SERTAD4: variants seen among roughly 807,000 people sequenced by gnomAD.
SERTAD4 encodes SERTA domain-containing protein 4.
A neutral mutation model predicts 32.9 loss-of-function variants in SERTAD4; 18 were observed. That is an observed-to-expected ratio of 0.55 (90% CI 0.38 to 0.81). SERTAD4 has a LOEUF of 0.81. Among genes scored for constraint, SERTAD4 ranks in the 30% least tolerant of loss-of-function variants. SERTAD4 has a pLI of 0.00. For synonymous variants in SERTAD4, 150 were observed against 156.4 expected (o/e 0.96, Z 0.30); for missense variants, 383 against 426.0 (o/e 0.90, Z 0.89).
rs774557168 is a variant in SERTAD4 at position 210,242,349 on chromosome 1, A to G, written c.*12A>G. 1.9e-6 allele frequency: 3 copies of G among 1,545,190 alleles called. No individual in the cohort carries two copies. In the African/African-American group the frequency reaches 4.1e-5, roughly 21 times the overall value. ...GAAGTAAAATATGAGCCATCTTCTC[A>G]CCGAACTTTGAAGCATGCACAGCAT... On this transcript the variant is annotated 3_prime_UTR_variant, in exon 4 of 4. Coordinates refer to ENST00000367012, the MANE Select transcript of SERTAD4 (RefSeq NM_019605.5). This position sits in a 1 kb window ranked among gnomAD's most constrained non-coding sequence, Gnocchi z 4.0.
At position 210,239,591 on chromosome 1, in the gene SERTAD4, A is replaced by G. The variant is rs1158446604; in HGVS notation, c.274A>G (p.Ser92Gly). Residue 92 changes from serine to glycine, a missense_variant, in exon 3 of 4, where the codon AGC (serine) becomes GGC (glycine). By Grantham distance (56) the Ser-to-Gly change is moderately conservative (BLOSUM62 0). Transcript: ENST00000367012. ...VEEEDFHPPL[S>G]SCSHKTISIF... The stretch of plus-strand genomic sequence containing the variant: ...AGAAGAGGATTTTCACCCACCACTC[A>G]GCAGCTGTAGCCATAAAGTATGTTT... 6.3e-7 allele frequency: 1 copy of G among 1,588,348 alleles called. No individual in the cohort carries two copies. Among genetic ancestry groups the G allele is most frequent in the African/African-American group, 1.3e-5 (1 of 74,426 alleles).
chr1:210,241,194 C>T (rs2083990646), intron 3 of SERTAD4, among the ~76,000 whole-genome samples: 1 of 152,156 alleles, frequency 6.6e-6, no homozygotes, highest in African/African-American at 2.4e-5. Context: ...TACCTCCTCT[C>T]CTGACTTCTA....
In SERTAD4 at chr1:210,242,044, A is replaced by G. The variant is rs1041123332; in HGVS notation, c.778A>G (p.Ile260Val). 6.2e-7 allele frequency: 1 copy of G among 1,614,158 alleles called. No homozygotes were observed. The highest frequency in any genetic ancestry group is 1.1e-5 in the South Asian group (1 of 91,074). Residue 260 changes from isoleucine (I) to valine (V), a missense_variant, in exon 4 of 4, where the codon ATA (isoleucine) becomes GTA (valine). By Grantham distance (29) the Ile-to-Val change is conservative. Around this residue, in one of 3 missense-constraint regions of SERTAD4, gnomAD observed 180 missense variants for 190.6 expected, o/e 0.94. Transcript: ENST00000367012. The surrounding 1 kb of genome is among the most constrained non-coding windows in gnomAD (Gnocchi z 4.0). ...ATCTATTTACAAGAGTGATGGCCAGATACCTGCCAATGAAATCTTTGTCAC... is the reference window on the plus strand; with the variant it reads ...ATCTATTTACAAGAGTGATGGCCAGGTACCTGCCAATGAAATCTTTGTCAC... ...SASIYKSDGQIPANEIFVTNV... is the reference protein window; with the variant it reads ...SASIYKSDGQVPANEIFVTNV...
chr1:210,239,293 C>A (rs1358178821), intron 2 of SERTAD4, among the ~76,000 whole-genome samples, 200 bp from the exon 3 acceptor site: 3 of 152,082 alleles, frequency 2.0e-5, no homozygotes, highest in African/African-American at 7.2e-5. Context: ...TCTATAATTG[C>A]CTAGAAATCT....
chr1:210,243,089 A>G lies in SERTAD4; in HGVS notation c.*752A>G, dbSNP rs1471274060. ...GAGTTACAGCAGGGATTTAACAAAC[A>G]GGACAAAAAAAAAAAAAAAAAAAAA... is the stretch of plus-strand genomic sequence containing the variant. On this transcript the variant is annotated 3_prime_UTR_variant, in exon 4 of 4. Transcript: ENST00000367012. 1 of 329,144 alleles carries G rather than the reference A, an allele frequency of 3.0e-6. No individual in the cohort carries two copies. Among genetic ancestry groups the G allele is most frequent in the African/African-American group, 2.6e-5 (1 of 38,584 alleles). 20.4% of individuals were successfully genotyped at this position (329,144 alleles called of 1,614,324 possible).
At chr1:210,233,570 G>T (rs892237382) in intron 1 of SERTAD4, 1 of 418,276 alleles carries the variant, frequency 2.4e-6, no homozygotes, top group South Asian at 1.7e-5. Flanking sequence ...CTCCGCCCCC[G>T]CACCCTCCTC....
chr1:210,244,781 G>C lies in SERTAD4; in HGVS notation c.*2444G>C, dbSNP rs2084031866. ...ACCTGAGCTGTGAGCGCCTGCACCT[G>C]TTCGGTAGAACCCACTAGAATCACT... On this transcript the variant is annotated 3_prime_UTR_variant, in exon 4 of 4. Coordinates refer to ENST00000367012, the MANE Select transcript of SERTAD4 (RefSeq NM_019605.5). 1 of 152,094 alleles carries C rather than the reference G, an allele frequency of 6.6e-6. No individual in the cohort carries two copies. The highest frequency in any genetic ancestry group is 1.5e-5 in the Non-Finnish European group (1 of 68,012). The allele number at this position is 152,094 out of a possible 1,614,324, so 9.4% of individuals were successfully genotyped here. A position where few individuals can be genotyped will look rare whatever the true frequency, so the allele number is the denominator to read the frequency against.
At chr1:210,241,447 A>C in intron 3 of SERTAD4, 111 bp from the exon 4 acceptor site, 1 of 1,105,520 alleles carries the variant, frequency 9.0e-7, no homozygotes, top group South Asian at 1.7e-5. Context: ...AGACCCAGAC[A>C]GTGCCAAGAA....
At chr1:210,233,559 C>T in intron 1 of SERTAD4, 2 of 406,852 alleles carry the variant, frequency 4.9e-6, no homozygotes, top group Middle Eastern at 8.4e-4. Context: ...TCCCCCGCCA[C>T]CTCCGCCCCC....
In SERTAD4 at chr1:210,243,114, A is replaced by AAAACCC; in HGVS notation, c.*778_*779insAACCCA. On this transcript the variant is annotated 3_prime_UTR_variant, in exon 4 of 4. Transcript: ENST00000367012. ...AGGACAAAAAAAAAAAAAAAAAAAA[A>AAAACCC]ACCACAGGGTGGATCAATATGGTTT... 1.4e-6 allele frequency: 1 copy of AAAACCC among 695,902 alleles called. No homozygotes were observed. Among genetic ancestry groups the AAAACCC allele is most frequent in the Non-Finnish European group, 1.8e-6 (1 of 567,466 alleles). The allele number at this position is 695,902 out of a possible 1,614,324, so 43.1% of individuals were successfully genotyped here.
intron 1 of SERTAD4, chr1:210,234,108 G>A: frequency 1.1e-5 from 3 of 276,472 alleles, no homozygotes; most frequent in South Asian, 9.7e-5. Context: ...GACACTTGGG[G>A]TGTTGTTTAC....
chr1:210,236,023 C>G (rs1385137972), intron 1 of SERTAD4, among the ~76,000 whole-genome samples: 1 of 152,150 alleles, frequency 6.6e-6, no homozygotes, highest in African/African-American at 2.4e-5. Context: ...ATGATTGTCT[C>G]TTAGAATAGG....
At chr1:210,234,481 CTGTT>C (rs1166455408) in intron 1 of SERTAD4, among the ~76,000 whole-genome samples, 1 of 152,160 alleles carries the variant, frequency 6.6e-6, no homozygotes, top group African/African-American at 2.4e-5. Context: ...AAAGCGACAT[CTGTT>C]TGTTTAGAAG....
Position 210,242,792 on chromosome 1 carries a change from A to G in SERTAD4, c.*455A>G, listed in dbSNP as rs2147850436. On this transcript the variant is annotated 3_prime_UTR_variant, in exon 4 of 4. Transcript: ENST00000367012. The surrounding 1 kb of genome is among the most constrained non-coding windows in gnomAD (Gnocchi z 4.0). ...CAATATTTTTTTTAAATAAAAGACT[A>G]AAGACAGGGAGCTAGATGAAATGGC... 1.1e-5 allele frequency: 11 copies of G among 988,486 alleles called. No homozygotes were observed. The highest frequency in any genetic ancestry group is 1.7e-5 in the African/African-American group (1 of 57,400). The allele number at this position is 988,486 out of a possible 1,614,324, so 61.2% of individuals were successfully genotyped here.
Position 210,242,782 on chromosome 1 carries a change from A to G in SERTAD4, c.*445A>G, listed in dbSNP as rs556890252. On this transcript the variant is annotated 3_prime_UTR_variant, in exon 4 of 4. Transcript: ENST00000367012. The surrounding 1 kb of genome is among the most constrained non-coding windows in gnomAD (Gnocchi z 4.0). ...CTATATGATACAATATTTTTTTTAA[A>G]TAAAAGACTAAAGACAGGGAGCTAG... The G allele has an allele frequency of 3.8e-3, 3,758 of 988,448 alleles. 13 individuals carry two copies. Among genetic ancestry groups the G allele is most frequent in the Non-Finnish European group, 4.3e-3 (3,547 of 831,768 alleles). The allele number at this position is 988,448 out of a possible 1,614,324, so 61.2% of individuals were successfully genotyped here.
At position 210,243,114 on chromosome 1, in the gene SERTAD4, A is replaced by AAAAAAAAACC; in HGVS notation, c.*778_*779insAAAAAAACCA. On this transcript the variant is annotated 3_prime_UTR_variant, in exon 4 of 4. Transcript: ENST00000367012. ...AGGACAAAAAAAAAAAAAAAAAAAA[A>AAAAAAAAACC]ACCACAGGGTGGATCAATATGGTTT... is the stretch of plus-strand genomic sequence containing the variant. 1.4e-6 allele frequency: 1 copy of AAAAAAAAACC among 695,884 alleles called. No homozygotes were observed. Among genetic ancestry groups the AAAAAAAAACC allele is most frequent in the Non-Finnish European group, 1.8e-6 (1 of 567,450 alleles). The allele number at this position is 695,884 out of a possible 1,614,324, so 43.1% of individuals were successfully genotyped here. A position where few individuals can be genotyped will look rare whatever the true frequency, so the allele number is the denominator to read the frequency against.
In SERTAD4 at chr1:210,233,001, C is replaced by G. The variant is rs1306953785; in HGVS notation, c.-28C>G. The G allele has an allele frequency of 6.6e-6, 1 of 150,750 alleles. No individual in the cohort carries two copies. Among genetic ancestry groups the G allele is most frequent in the Non-Finnish European group, 1.5e-5 (1 of 67,562 alleles). 9.3% of individuals were successfully genotyped at this position (150,750 alleles called of 1,614,324 possible). ...AAGCGCTGCGGCCGCCGCCTCCCCG[C>G]TGACCCCGCGGTAAGAGCCGGGCTG... On this transcript the variant is annotated 5_prime_UTR_variant, in exon 1 of 4. Transcript: ENST00000367012.
chr1:210,233,908 A>G (rs1380378598), intron 1 of SERTAD4: 9 of 444,004 alleles, frequency 2.0e-5, no homozygotes, highest in Non-Finnish European at 4.1e-5. Flanking sequence ...CAGCCCCGCC[A>G]GAGCCCTGCC....
rs2084011065 is a variant in SERTAD4, at chr1:210,242,696, A to T, written c.*359A>T. 2 of 1,025,804 alleles carry T rather than the reference A, an allele frequency of 1.9e-6. No homozygotes were observed. The highest frequency in any genetic ancestry group is 9.1e-5 in the South Asian group (2 of 21,900). The allele number at this position is 1,025,804 out of a possible 1,614,324, so 63.5% of individuals were successfully genotyped here. ...GCTAAGAAATTTCTACATGTTTGCC[A>T]GTTAATTAGGGAGTTATTTGGTAAG... On this transcript the variant is annotated 3_prime_UTR_variant, in exon 4 of 4. Coordinates refer to ENST00000367012, the MANE Select transcript of SERTAD4 (RefSeq NM_019605.5). This position sits in a 1 kb window ranked among gnomAD's most constrained non-coding sequence, Gnocchi z 4.0.
Sources: allele counts gnomAD v4.1 joint callset (sites outside exome capture counted in the v4.1 genomes callset), GRCh38; gene constraint gnomAD v4.1.1; regional missense constraint gnomAD v4.1.1; non-coding constraint Gnocchi (gnomAD v3.1); transcripts MANE v1.5; gene names NCBI Gene and HGNC (gene_info 2026-07-23, HGNC 2026-07-21).